DVL3: variants seen among roughly 807,000 people sequenced by gnomAD.
The protein encoded by DVL3 is dishevelled segment polarity protein 3, also known as segment polarity protein dishevelled homolog DVL-3.
A neutral mutation model predicts 67.4 loss-of-function variants in DVL3; 27 were observed. The observed-to-expected ratio is 0.40, with a 90% CI of 0.30 to 0.55. The LOEUF (loss-of-function observed/expected upper bound fraction) is 0.55, where lower values mean the gene tolerates loss of function less well. DVL3 is among the 20% of genes least tolerant of loss of function. The pLI is 0.46. For missense variants in DVL3, 819 were observed against 1,021.5 expected (o/e 0.80, Z 2.70); for synonymous variants, 369 against 396.8 (o/e 0.93, Z 0.83).
chr3:184,159,366 CTTT>C (rs1274200600), intron 1 of DVL3, among the ~76,000 whole-genome samples: 3 of 87,854 alleles, frequency 3.4e-5, no homozygotes, highest in Non-Finnish European at 4.9e-5. Flanking sequence ...TTATTTTATC[CTTT>C]TTTTTTTTTT....
In DVL3 at chr3:184,163,447, G is replaced by A. The variant is rs930329270; in HGVS notation, c.162-210G>A. On this transcript the variant is annotated intron_variant, in intron 1 of 14. Coordinates refer to ENST00000313143, the MANE Select transcript of DVL3 (RefSeq NM_004423.4). The surrounding 1 kb of genome is among the most constrained non-coding windows in gnomAD (Gnocchi z 4.5). ...ACCTGATGACTGAGAGGATGCCCCG[G>A]GAAGGTATCTGGCCTAGGCAGGGCT... is the stretch of plus-strand genomic sequence containing the variant. Among the ~76,000 whole-genome samples, 1 of 152,152 alleles carries A rather than the reference G, an allele frequency of 6.6e-6. No homozygotes were observed. Among genetic ancestry groups the A allele is most frequent in the Admixed American group, 6.5e-5 (1 of 15,272 alleles).
chr3:184,160,212 A>G (rs989172262), intron 1 of DVL3, among the ~76,000 whole-genome samples: 2 of 151,900 alleles, frequency 1.3e-5, no homozygotes, highest in Non-Finnish European at 2.9e-5. Context: ...TGGCCTCCCA[A>G]AGTGCTGGGA....
chr3:184,157,732 C>T (rs1436050389), intron 1 of DVL3, among the ~76,000 whole-genome samples: 1 of 152,202 alleles, frequency 6.6e-6, no homozygotes, highest in African/African-American at 2.4e-5. Flanking sequence ...ATCTTGCAAA[C>T]ATCAGTGGTA....
chr3:184,160,252 G>A (rs1416436720), intron 1 of DVL3, among the ~76,000 whole-genome samples: 1 of 152,044 alleles, frequency 6.6e-6, no homozygotes, highest in Non-Finnish European at 1.5e-5. Context: ...TGCCCTGCCA[G>A]TCAAAGCATT....
chr3:184,166,453 A>T lies in DVL3; in HGVS notation c.911A>T (p.Glu304Val). ...CTCCTGGTCCTTTCCCAGGTAAACGAGATCAACTTTGAGAACATGAGTAAT... is the reference window on the plus strand; with the variant it reads ...CTCCTGGTCCTTTCCCAGGTAAACGTGATCAACTTTGAGAACATGAGTAAT... ...EPGDMLLQVN[E>V]INFENMSNDD... Residue 304 changes from glutamate to valine, a missense_variant, in exon 9 of 15, where the codon GAG becomes GTG. Around this residue, in one of 3 missense-constraint regions of DVL3, gnomAD observed 385 missense variants for 486.8 expected, o/e 0.79. Transcript: ENST00000313143. The surrounding 1 kb of genome is among the most constrained non-coding windows in gnomAD (Gnocchi z 6.7). 6.2e-7 allele frequency: 1 copy of T among 1,614,188 alleles called. No individual in the cohort carries two copies. Among genetic ancestry groups the T allele is most frequent in the Non-Finnish European group, 8.5e-7 (1 of 1,180,042 alleles).
At position 184,165,494 on chromosome 3, in the gene DVL3, G is replaced by A. The variant is rs761177519; in HGVS notation, c.763+3G>A. On this transcript the variant is annotated splice_donor_region_variant and intron_variant, in intron 7 of 14. Transcript: ENST00000313143. This position sits in a 1 kb window ranked among gnomAD's most constrained non-coding sequence, Gnocchi z 4.1. Reference sequence around the variant, plus strand: ...CATCACGGTCACTCTCAACATGGGTGAGTCTGAGGAAACAGCACTCTCAAG... The same window carrying A: ...CATCACGGTCACTCTCAACATGGGTAAGTCTGAGGAAACAGCACTCTCAAG... 3 of 1,613,752 alleles carry A rather than the reference G, an allele frequency of 1.9e-6. No homozygotes were observed. Among genetic ancestry groups the A allele is most frequent in the Non-Finnish European group, 2.5e-6 (3 of 1,179,704 alleles).
chr3:184,170,280 C>G lies in DVL3; in HGVS notation c.1715-39C>G. 3 of 1,594,614 alleles carry G rather than the reference C, an allele frequency of 1.9e-6. No homozygotes were observed. Among genetic ancestry groups the G allele is most frequent in the Non-Finnish European group, 2.6e-6 (3 of 1,170,018 alleles). Reference sequence around the variant, plus strand: ...GTGGGCCCCAGGCTTCCCCCGCCCGCTCAGCCTGCCCCACCCCGGCCCTGT... The same window carrying G: ...GTGGGCCCCAGGCTTCCCCCGCCCGGTCAGCCTGCCCCACCCCGGCCCTGT... On this transcript the variant is annotated intron_variant, in intron 14 of 14. Transcript: ENST00000313143. The surrounding 1 kb of genome is among the most constrained non-coding windows in gnomAD (Gnocchi z 6.5).
chr3:184,167,001 G>A lies in DVL3; in HGVS notation c.1198+26G>A. ...GTGAGTGTCCCACCCTGTCTCCTGG[G>A]CCCAGCAGACAGGGCCAGGTGGGGG... On this transcript the variant is annotated intron_variant, in intron 11 of 14. Coordinates refer to ENST00000313143, the MANE Select transcript of DVL3 (RefSeq NM_004423.4). The surrounding 1 kb of genome is among the most constrained non-coding windows in gnomAD (Gnocchi z 4.6). The A allele has an allele frequency of 6.2e-7, 1 of 1,612,140 alleles. No individual in the cohort carries two copies. The highest frequency in any genetic ancestry group is 8.5e-7 in the Non-Finnish European group (1 of 1,178,756).
At position 184,170,660 on chromosome 3, in the gene DVL3, G is replaced by A. The variant is rs1167113982; in HGVS notation, c.2056G>A (p.Asp686Asn). The A allele has an allele frequency of 6.2e-7, 1 of 1,611,904 alleles. No individual in the cohort carries two copies. Among genetic ancestry groups the A allele is most frequent in the Non-Finnish European group, 8.5e-7 (1 of 1,179,428 alleles). The part of the protein sequence containing the change: ...MGPPGAPPGR[D>N]LASVPPELTA... ...GCCCCCAGGAGCCCCTCCGGGCCGC[G>A]ACCTGGCCTCAGTGCCCCCGGAACT... The change falls in exon 15 of 15, where the codon GAC (aspartate) becomes AAC (asparagine). Residue 686 changes from aspartate (D) to asparagine (N), a missense_variant. Physicochemically the swap from Asp to Asn is conservative, Grantham distance 23. Around this residue, in one of 3 missense-constraint regions of DVL3, gnomAD observed 324 missense variants for 331.3 expected, o/e 0.98. Coordinates refer to ENST00000313143, the MANE Select transcript of DVL3 (RefSeq NM_004423.4). This position sits in a 1 kb window ranked among gnomAD's most constrained non-coding sequence, Gnocchi z 6.5.
intron 1 of DVL3, among the ~76,000 whole-genome samples, chr3:184,160,771 C>A (rs1388230440): frequency 1.3e-5 from 2 of 152,168 alleles, no homozygotes; most frequent in Non-Finnish European, 2.9e-5. Context: ...GCAATTTCCC[C>A]CAGACAGGCA....
chr3:184,170,354 G>C lies in DVL3; in HGVS notation c.1750G>C (p.Asp584His). Residue 584 changes from aspartate to histidine, a missense_variant, in exon 15 of 15, where the codon GAT becomes CAT. By Grantham distance (81) the Asp-to-His change is moderately conservative (BLOSUM62 -1). This residue lies in a region of DVL3 where 324 missense variants were observed against 331.3 expected (regional missense o/e 0.98). Transcript: ENST00000313143. This position sits in a 1 kb window ranked among gnomAD's most constrained non-coding sequence, Gnocchi z 6.5. ...CAGTGGCTCCAACCGTAGCGGCAGC[G>C]ATCGGAGGAAGGAGAAGGACCCGAA... Reference protein sequence around the residue: ...RSSGSNRSGSDRRKEKDPKAG... With the variant: ...RSSGSNRSGSHRRKEKDPKAG... 1.2e-6 allele frequency: 2 copies of C among 1,605,480 alleles called. No homozygotes were observed. Among genetic ancestry groups the C allele is most frequent in the Non-Finnish European group, 1.7e-6 (2 of 1,176,354 alleles).
Position 184,163,519 on chromosome 3 carries a change from C to T in DVL3, c.162-138C>T. The stretch of plus-strand genomic sequence containing the variant: ...AAGAGCTGTCTCTGGGTCTCCCCAA[C>T]CTCTGCTTTCATTTGAACAGTCTTG... On this transcript the variant is annotated intron_variant, in intron 1 of 14. Transcript: ENST00000313143. This position sits in a 1 kb window ranked among gnomAD's most constrained non-coding sequence, Gnocchi z 4.5. The T allele has an allele frequency of 1.2e-6, 1 of 843,110 alleles. No homozygotes were observed. The highest frequency in any genetic ancestry group is 2.1e-6 in the Non-Finnish European group (1 of 486,264). The allele number at this position is 843,110 out of a possible 1,614,324, so 52.2% of individuals were successfully genotyped here.
In DVL3 at chr3:184,170,497, G is replaced by T; in HGVS notation, c.1893G>T (p.Glu631Asp). ...AGCGCTCAGGGCCGGCGGCCAGCGA[G>T]CACAGCCACCGCAGCCACCATTCCC... Reference protein sequence around the residue: ...PSERSGPAASEHSHRSHHSLA... With the variant: ...PSERSGPAASDHSHRSHHSLA... The change falls in exon 15 of 15, where the codon GAG becomes GAT. Residue 631 changes from glutamate (E) to aspartate (D), a missense_variant. Glu to Asp is a conservative substitution (Grantham distance 45, BLOSUM62 2). Coordinates refer to ENST00000313143, the MANE Select transcript of DVL3 (RefSeq NM_004423.4). This position sits in a 1 kb window ranked among gnomAD's most constrained non-coding sequence, Gnocchi z 6.5. 1 of 1,600,454 alleles carries T rather than the reference G, an allele frequency of 6.2e-7. No homozygotes were observed. The highest frequency in any genetic ancestry group is 8.5e-7 in the Non-Finnish European group (1 of 1,173,620).
At position 184,162,806 on chromosome 3, in the gene DVL3, C is replaced by T. The variant is rs555199732; in HGVS notation, c.162-851C>T. Among the ~76,000 whole-genome samples the T allele has an allele frequency of 8.6e-3, 1,253 of 146,402 alleles. 15 individuals carry two copies. Among genetic ancestry groups the T allele is most frequent in the South Asian group, 0.052 (239 of 4,578 alleles). On this transcript the variant is annotated intron_variant, in intron 1 of 14. Transcript: ENST00000313143. ...CTTTCCTATATAATAACAGAGGTAA[C>T]GTGGGTCTATGTGGAGAGTGGGTGC...
Position 184,171,509 on chromosome 3 carries a change from C to CG in DVL3, c.*754_*755insG. ...CAGCAGGCTCATCTCACCTCCAGGC[C>CG]TGAAACATTTCTTTTCTTTCTTTTT... On this transcript the variant is annotated 3_prime_UTR_variant, in exon 15 of 15. Transcript: ENST00000313143. The CG allele has an allele frequency of 1.0e-6, 1 of 986,048 alleles. No individual in the cohort carries two copies. Among genetic ancestry groups the CG allele is most frequent in the Non-Finnish European group, 1.2e-6 (1 of 830,056 alleles). The allele number at this position is 986,048 out of a possible 1,614,324, so 61.1% of individuals were successfully genotyped here. A position where few individuals can be genotyped will look rare whatever the true frequency, so the allele number is the denominator to read the frequency against.
At chr3:184,156,541 A>C (rs937038186) in intron 1 of DVL3, 3 of 450,370 alleles carry the variant, frequency 6.7e-6, no homozygotes, top group African/African-American at 6.0e-5. Flanking sequence ...TGGGATAGCC[A>C]GGAAGAGTTT....
intron 1 of DVL3, among the ~76,000 whole-genome samples, chr3:184,161,155 G>A (rs933301012): frequency 2.0e-5 from 3 of 152,190 alleles, no homozygotes; most frequent in East Asian, 1.9e-4. Context: ...GGCCAGGCAC[G>A]GCGGCTCACG....
Position 184,165,400 on chromosome 3 carries a change from T to C in DVL3, c.694-22T>C, listed in dbSNP as rs200716349. On this transcript the variant is annotated intron_variant, in intron 6 of 14. Coordinates refer to ENST00000313143, the MANE Select transcript of DVL3 (RefSeq NM_004423.4). This position sits in a 1 kb window ranked among gnomAD's most constrained non-coding sequence, Gnocchi z 4.1. The stretch of plus-strand genomic sequence containing the variant: ...AATTCCTGCCACCTCCACCTGCTGC[T>C]CAGGGCCTCTGTCTATTCCAGTCCT... 8.7e-5 allele frequency: 140 copies of C among 1,613,402 alleles called. No individual in the cohort carries two copies. In the East Asian group the frequency reaches 3.1e-3, roughly 36 times the overall value.
rs1397204982 is a variant in DVL3 at position 184,168,058 on chromosome 3, C to T, written c.1491C>T (p.Leu497=). Reference sequence around the variant, plus strand: ...AGTGCTACTACATCTTCGGTGACCTCTGCGGCAGTATGTGCCTCCCTCATC... The same window carrying T: ...AGTGCTACTACATCTTCGGTGACCTTTGCGGCAGTATGTGCCTCCCTCATC... The part of the protein sequence containing the change: ...SEQCYYIFGD[L]CGNMANLSLH... Residue 497 remains leucine, a synonymous_variant, in exon 13 of 15, where the codon CTC becomes CTT. Transcript: ENST00000313143. 2 of 1,613,678 alleles carry T rather than the reference C, an allele frequency of 1.2e-6. No individual in the cohort carries two copies. The highest frequency in any genetic ancestry group is 2.7e-5 in the African/African-American group (2 of 74,946).
Sources: allele counts gnomAD v4.1 joint callset (sites outside exome capture counted in the v4.1 genomes callset), GRCh38; gene constraint gnomAD v4.1.1; regional missense constraint gnomAD v4.1.1; non-coding constraint Gnocchi (gnomAD v3.1); transcripts MANE v1.5; gene names NCBI Gene and HGNC (gene_info 2026-07-23, HGNC 2026-07-21).